VAV3: variants seen among roughly 807,000 people sequenced by gnomAD.
VAV3 encodes the protein guanine nucleotide exchange factor VAV3.
In VAV3, 94 loss-of-function variants were observed where a neutral mutation model predicts 131.2. The observed-to-expected ratio is 0.72, with a 90% confidence interval of 0.61 to 0.85. The LOEUF (loss-of-function observed/expected upper bound fraction) is 0.85, where lower values mean the gene tolerates loss of function less well. VAV3 is among the 40% of genes least tolerant of loss of function. The pLI is 0.00. For missense variants in VAV3, 939 were observed against 1,002.7 expected (o/e 0.94, Z 0.86); for synonymous variants, 349 against 342.0 (o/e 1.02, Z -0.22).
chr1:107,838,824 A>G (rs115801603), intron 2 of VAV3, among the ~76,000 whole-genome samples: 108 of 152,308 alleles, frequency 7.1e-4, no homozygotes, highest in African/African-American at 2.5e-3. Flanking sequence ...GGAGCGTATT[A>G]GCCTAGGTGA....
At chr1:107,815,271 T>C (rs760931579) in intron 2 of VAV3, among the ~76,000 whole-genome samples, 4 of 152,186 alleles carry the variant, frequency 2.6e-5, no homozygotes, top group Non-Finnish European at 4.4e-5. Context: ...ACTCAAGACC[T>C]GCTTTCTGTC....
At chr1:107,583,445 G>A (rs561809896) in intron 25 of VAV3, among the ~76,000 whole-genome samples, 143 of 152,156 alleles carry the variant, frequency 9.4e-4, no homozygotes, top group African/African-American at 3.4e-3. Flanking sequence ...AGGGTATTCA[G>A]TTAGGAAAAG....
At chr1:107,863,592 G>A (rs1669846743) in intron 2 of VAV3, among the ~76,000 whole-genome samples, 1 of 152,164 alleles carries the variant, frequency 6.6e-6, no homozygotes. Context: ...AAGCTGTGAG[G>A]ACTATCAGCG....
rs149945238 is a variant in VAV3, at chr1:107,798,482, G to C, written c.322-18990C>G. Among the ~76,000 whole-genome samples the C allele has an allele frequency of 5.6e-3, 853 of 152,044 alleles. 6 individuals carry two copies. The highest frequency in any genetic ancestry group is 0.02 in the African/African-American group (822 of 41,484). On this transcript the variant is annotated intron_variant, in intron 2 of 26. Transcript: ENST00000370056. ...GCCTGTAATCCTAGCACTTTGGGAG[G>C]CTGAGGTGGGCGGATCATGAGGTCA...
intron 20 of VAV3, among the ~76,000 whole-genome samples, chr1:107,623,555 TC>T (rs1471738923): frequency 6.6e-6 from 1 of 152,206 alleles, no homozygotes; most frequent in African/African-American, 2.4e-5. Flanking sequence ...GACAGTCCAT[TC>T]CTTTACTCAA....
At chr1:107,732,803 C>T (rs997577311) in intron 15 of VAV3, among the ~76,000 whole-genome samples, 83 of 152,286 alleles carry the variant, frequency 5.5e-4, no homozygotes, top group South Asian at 4.1e-4. Flanking sequence ...GAATAAAAGG[C>T]AGCAGAAACG....
chr1:107,761,567 A>G (rs1211657312), intron 9 of VAV3, among the ~76,000 whole-genome samples: 1 of 152,092 alleles, frequency 6.6e-6, no homozygotes, highest in Non-Finnish European at 1.5e-5. Context: ...AAGTGTCAAT[A>G]GTCTTCCCAC....
At chr1:107,853,195 G>T (rs1669305327) in intron 2 of VAV3, among the ~76,000 whole-genome samples, 1 of 152,108 alleles carries the variant, frequency 6.6e-6, no homozygotes, top group African/African-American at 2.4e-5. Flanking sequence ...TCGTGCTCTG[G>T]AATCCGACCC....
At chr1:107,669,313 T>G (rs1409696121) in intron 19 of VAV3, 2 of 1,289,604 alleles carry the variant, frequency 1.6e-6, no homozygotes, top group Non-Finnish European at 1.0e-6. Flanking sequence ...CCCAGTATTG[T>G]TGCTGGACAC....
intron 2 of VAV3, among the ~76,000 whole-genome samples, chr1:107,801,191 C>A (rs931920627): frequency 2.0e-5 from 3 of 151,942 alleles, no homozygotes; most frequent in Non-Finnish European, 4.4e-5. Flanking sequence ...TGTTTCCATG[C>A]CATGCTGATT....
At chr1:107,766,804 A>C (rs2102162061) in intron 7 of VAV3, among the ~76,000 whole-genome samples, 1 of 152,048 alleles carries the variant, frequency 6.6e-6, no homozygotes, top group Middle Eastern at 3.4e-3. Flanking sequence ...AAGGAGAAAA[A>C]AGAAGGAAGA....
Position 107,642,767 on chromosome 1 carries a change from C to T in VAV3, c.1778-12G>A. ...CATCTTTGGTAAACCTGAAAATAAG[C>T]CAAACAAGTTTTAGAATTGAGAAAA... On this transcript the variant is annotated splice_polypyrimidine_tract_variant and intron_variant, in intron 19 of 26. Coordinates refer to ENST00000370056, the MANE Select transcript of VAV3 (RefSeq NM_006113.5). 3.7e-6 allele frequency: 6 copies of T among 1,612,804 alleles called. No homozygotes were observed. Among genetic ancestry groups the T allele is most frequent in the Non-Finnish European group, 4.2e-6 (5 of 1,179,340 alleles).
intron 2 of VAV3, among the ~76,000 whole-genome samples, chr1:107,811,557 A>C (rs1667318894): frequency 6.6e-6 from 1 of 152,210 alleles, no homozygotes; most frequent in Non-Finnish European, 1.5e-5. Context: ...ACCTTACACC[A>C]GAACAATTCT....
chr1:107,757,223 TA>T, intron 11 of VAV3, 37 bp downstream of exon 11: 2 of 1,560,960 alleles, frequency 1.3e-6, no homozygotes, highest in South Asian at 1.1e-5. Context: ...TAGGCAAGAA[TA>T]AAAAATACAA....
At chr1:107,598,801 T>TACACACACACAC (rs35317053) in intron 24 of VAV3, among the ~76,000 whole-genome samples, 49,150 of 149,636 alleles carry the variant, frequency 0.33, 8,171 homozygotes, top group Middle Eastern at 0.38. Context: ...GTCTCTGGAA[T>TACACACACACAC]ACACACACAC....
At chr1:107,835,722 A>G (rs1408394046) in intron 2 of VAV3, among the ~76,000 whole-genome samples, 1 of 151,442 alleles carries the variant, frequency 6.6e-6, no homozygotes, top group African/African-American at 2.4e-5. Context: ...AGGGCAAAAA[A>G]CCCCGGCCCA....
At chr1:107,899,407 T>C (rs1198932899) in intron 1 of VAV3, among the ~76,000 whole-genome samples, 5 of 152,188 alleles carry the variant, frequency 3.3e-5, no homozygotes, top group African/African-American at 1.2e-4. Context: ...TGGTCCCTCA[T>C]GTTCAACGAC....
chr1:107,642,947 C>T (rs1655459722), intron 19 of VAV3, among the ~76,000 whole-genome samples, 192 bp from the exon 20 acceptor site: 1 of 152,114 alleles, frequency 6.6e-6, no homozygotes, highest in African/African-American at 2.4e-5. Context: ...GAATAAGACA[C>T]ATATTTATCC....
intron 13 of VAV3, 106 bp from the exon 14 acceptor site, chr1:107,749,700 C>A: frequency 7.8e-7 from 1 of 1,286,804 alleles, no homozygotes. Context: ...GCATTAAAGA[C>A]AACAGGTAGT....
Sources: gnomAD v4.1 joint callset for allele counts (sites outside exome capture counted in the v4.1 genomes callset) on GRCh38, gnomAD v4.1.1 for gene constraint, MANE v1.5 for transcripts, NCBI Gene and HGNC (gene_info 2026-07-23, HGNC 2026-07-21) for gene names.